Variants in LINC00305 observed in about 807,000 individuals in gnomAD.
LINC00305 encodes long intergenic non-protein coding RNA 305.
At chr18:64,105,236 G>A (rs570607947) in intron 1 of LINC00305, among the ~76,000 whole-genome samples, 2 of 152,188 alleles carry the variant, frequency 1.3e-5, no homozygotes, top group African/African-American at 4.8e-5. Flanking sequence ...TGAGGTGGGC[G>A]GATCACCTGA....
At chr18:64,146,419 ATGT>A (rs1368695249) in intron 1 of LINC00305, among the ~76,000 whole-genome samples, 2 of 152,102 alleles carry the variant, frequency 1.3e-5, no homozygotes, top group Non-Finnish European at 2.9e-5. Flanking sequence ...TGACCAGTGA[ATGT>A]TGTTGTAAGA....
Position 64,117,369 on chromosome 18 carries a change from C to A in LINC00305, n.315-18729G>T, listed in dbSNP as rs369863430. ...GTAATGTATTGTTATCTCTGCTTTGCAGATAAGATAGGGTAGAGAGGTTAC... is the reference window on the plus strand; with the variant it reads ...GTAATGTATTGTTATCTCTGCTTTGAAGATAAGATAGGGTAGAGAGGTTAC... On this transcript the variant is annotated intron_variant and non_coding_transcript_variant, in intron 1 of 3. Transcript: ENST00000666468. Among the ~76,000 whole-genome samples the A allele has an allele frequency of 2.5e-4, 38 of 152,292 alleles. 1 individual carries two copies. Among genetic ancestry groups the A allele is most frequent in the African/African-American group, 8.4e-4 (35 of 41,566 alleles).
chr18:64,081,686 G>T (rs1212686911), intron 3 of LINC00305, among the ~76,000 whole-genome samples: 2 of 152,202 alleles, frequency 1.3e-5, no homozygotes, highest in East Asian at 1.9e-4. Context: ...GTAGTTAAAA[G>T]AATTTGAGTA....
intron 1 of LINC00305, among the ~76,000 whole-genome samples, chr18:64,122,613 T>A (rs1254203412): frequency 2.6e-5 from 4 of 152,140 alleles, no homozygotes; most frequent in African/African-American, 9.7e-5. Context: ...TGAAATCAGG[T>A]AATATGATGT....
chr18:64,085,094 G>A (rs2051198543), intron 3 of LINC00305, among the ~76,000 whole-genome samples: 1 of 152,200 alleles, frequency 6.6e-6, no homozygotes, highest in South Asian at 2.1e-4. Flanking sequence ...ATCACATAAT[G>A]CCTTCTAATA....
In LINC00305 at chr18:64,129,979, CT is replaced by C. The variant is rs558611422; in HGVS notation, n.314+18795del. Among the ~76,000 whole-genome samples, 733 of 141,992 alleles carry C rather than the reference CT, an allele frequency of 5.2e-3. 8 individuals are homozygous for C. Among genetic ancestry groups the C allele is most frequent in the Admixed American group, 3.5e-3 (49 of 14,140 alleles). 93.2% of individuals were successfully genotyped at this position (141,992 alleles called of 152,430 possible). ...TTCAATTGTCTGTGCATGTCATTTT[CT>C]TTTTTTTTTTTTAATTATACTTTAA... On this transcript the variant is annotated intron_variant and non_coding_transcript_variant, in intron 1 of 3. Transcript: ENST00000666468.
chr18:64,140,176 TTCC>T (rs1399805935), intron 1 of LINC00305, among the ~76,000 whole-genome samples: 2 of 152,060 alleles, frequency 1.3e-5, no homozygotes, highest in Non-Finnish European at 2.9e-5. Context: ...TTACCTTGCG[TTCC>T]TCCTCCTCTT....
intron 1 of LINC00305, among the ~76,000 whole-genome samples, chr18:64,105,882 AG>A (rs1418283170): frequency 3.3e-5 from 5 of 152,236 alleles, no homozygotes; most frequent in African/African-American, 1.2e-4. Context: ...AACCAAATTA[AG>A]GAGAAATAGC....
chr18:64,116,667 G>A (rs563782345), intron 1 of LINC00305, among the ~76,000 whole-genome samples: 1 of 152,242 alleles, frequency 6.6e-6, no homozygotes, highest in South Asian at 2.1e-4. Context: ...TGCAGACATT[G>A]TGAGAGGATT....
At chr18:64,101,368 A>G (rs2051267399) in intron 1 of LINC00305, among the ~76,000 whole-genome samples, 1 of 152,132 alleles carries the variant, frequency 6.6e-6, no homozygotes, top group African/African-American at 2.4e-5. Context: ...TCAGCAGAAA[A>G]TTGAGTTGTT....
chr18:64,135,134 C>T (rs537951501), intron 1 of LINC00305, among the ~76,000 whole-genome samples: 6 of 152,220 alleles, frequency 3.9e-5, no homozygotes, highest in Non-Finnish European at 8.8e-5. Flanking sequence ...GTCCTTGTGT[C>T]TTTTCACAAC....
At chr18:64,097,114 A>C (rs2051247966) in intron 3 of LINC00305, among the ~76,000 whole-genome samples, 2 of 152,070 alleles carry the variant, frequency 1.3e-5, no homozygotes, top group South Asian at 4.1e-4. Flanking sequence ...AAGTTATGTT[A>C]GTGTAATGAT....
rs541602354 is a variant in LINC00305, at chr18:64,094,200, G to T, written n.540+3634C>A. ...CGTTATTACTAAAAACTAGGGAAAA[G>T]AGTCAATCATCTGAGAGAAAGTGCA... is the stretch of plus-strand genomic sequence containing the variant. On this transcript the variant is annotated intron_variant and non_coding_transcript_variant, in intron 3 of 3. Transcript: ENST00000666468. Among the ~76,000 whole-genome samples, 7 of 152,308 alleles carry T rather than the reference G, an allele frequency of 4.6e-5. 1 individual carries two copies. The South Asian group carries it at 1.4e-3, about 32-fold the overall frequency.
exon 2 of LINC00305, chr18:64,098,608 C>A (rs772813439): frequency 3.2e-5 from 14 of 438,074 alleles, no homozygotes; most frequent in Non-Finnish European, 6.4e-5. Context: ...GAAGGTTGAT[C>A]ATATCCAGGG....
intron 1 of LINC00305, among the ~76,000 whole-genome samples, chr18:64,106,766 T>C (rs1454299096): frequency 6.6e-6 from 1 of 151,994 alleles, no homozygotes; most frequent in Non-Finnish European, 1.5e-5. Context: ...CAGGAACAAC[T>C]GGAATTAGAT....
At chr18:64,108,667 G>T (rs1456878703) in intron 1 of LINC00305, among the ~76,000 whole-genome samples, 1 of 152,154 alleles carries the variant, frequency 6.6e-6, no homozygotes, top group East Asian at 1.9e-4. Context: ...TACATATACA[G>T]CCCCTAGGGT....
chr18:64,087,640 T>C (rs920077891), intron 3 of LINC00305, among the ~76,000 whole-genome samples: 4 of 152,122 alleles, frequency 2.6e-5, no homozygotes, highest in Non-Finnish European at 4.4e-5. Flanking sequence ...ATAAAATATA[T>C]AGGGAACATT....
intron 1 of LINC00305, among the ~76,000 whole-genome samples, chr18:64,126,415 C>T (rs375142756): frequency 1.6e-4 from 24 of 151,960 alleles, no homozygotes; most frequent in South Asian, 2.1e-4. Context: ...TTATAAGATA[C>T]GCTAAGGGAC....
intron 1 of LINC00305, among the ~76,000 whole-genome samples, chr18:64,112,527 T>C (rs910034150): frequency 6.6e-6 from 1 of 152,202 alleles, no homozygotes; most frequent in Non-Finnish European, 1.5e-5. Flanking sequence ...TTTATTTTTA[T>C]TGAGAACAGA....
Sources: allele counts gnomAD v4.1 joint callset (sites outside exome capture counted in the v4.1 genomes callset), GRCh38; gene constraint gnomAD v4.1.1; transcripts MANE v1.5; gene names NCBI Gene and HGNC (gene_info 2026-07-23, HGNC 2026-07-21).